DACH2: variants seen among roughly 807,000 people sequenced by gnomAD.
DACH2 encodes dachshund family transcription factor 2.
In DACH2, 17 loss-of-function variants were observed where a neutral mutation model predicts 35.8. That is an observed-to-expected ratio of 0.48 (90% CI 0.33 to 0.71). DACH2 has a LOEUF of 0.71. DACH2 is among the 30% of genes least tolerant of loss of function. The probability of loss-of-function intolerance (pLI) is 0.02; values close to 1 mark genes in which losing one functional copy is unlikely to be tolerated. For synonymous variants in DACH2, 195 were observed against 177.3 expected, an observed-to-expected ratio of 1.10 and a Z score of -0.79; for missense variants, 469 against 472.7, an observed-to-expected ratio of 0.99 and a Z score of 0.07.
intron 1 of DACH2, among the ~76,000 whole-genome samples, chrX:86,339,173 T>G (rs963106440): frequency 3.6e-5 from 4 of 111,105 alleles, no homozygotes; most frequent in African/African-American, 1.3e-4. Context: ...CTGAAACTAT[T>G]CCAAACAATA....
chrX:86,222,129 C>T (rs889460242), intron 1 of DACH2, among the ~76,000 whole-genome samples: 2 of 112,108 alleles, frequency 1.8e-5, no homozygotes, highest in Admixed American at 9.5e-5. Context: ...TTGGGAAACA[C>T]GATTTAGTCT....
intron 1 of DACH2, among the ~76,000 whole-genome samples, chrX:86,211,120 C>A (rs2032435574): frequency 9.0e-6 from 1 of 111,160 alleles, no homozygotes; most frequent in Non-Finnish European, 1.9e-5. Context: ...TGGGGCTTTT[C>A]TTTTCTGATG....
intron 6 of DACH2, among the ~76,000 whole-genome samples, chrX:86,717,339 C>T (rs1245295589): frequency 3.6e-5 from 4 of 111,148 alleles, no homozygotes; most frequent in Non-Finnish European, 7.6e-5. Flanking sequence ...ATTTGTCTTT[C>T]TGTGCCTGAC....
At chrX:86,423,535 A>G (rs1190115925) in intron 2 of DACH2, among the ~76,000 whole-genome samples, 2 of 104,646 alleles carry the variant, frequency 1.9e-5, no homozygotes, top group South Asian at 4.1e-4. Flanking sequence ...TTTTTTTTCT[A>G]TAGACTTGTT....
chrX:86,667,763 A>G (rs1163934705), intron 4 of DACH2, among the ~76,000 whole-genome samples: 5 of 112,213 alleles, frequency 4.5e-5, no homozygotes, highest in Non-Finnish European at 9.4e-5. Flanking sequence ...GACCAGAGCC[A>G]TCATATTTAA....
chrX:86,595,206 A>G (rs144609926), intron 3 of DACH2, among the ~76,000 whole-genome samples: 1,261 of 110,892 alleles, frequency 0.011, 23 homozygotes, highest in African/African-American at 0.039. Context: ...CAACCTCAAT[A>G]TTTTTTGGCT....
Position 86,465,535 on chromosome X carries a change from T to G in DACH2, c.528-48744T>G, listed in dbSNP as rs901692663. Among the ~76,000 whole-genome samples the G allele has an allele frequency of 2.7e-5, 3 of 111,996 alleles. No individual in the cohort carries two copies. In the Admixed American group the frequency reaches 2.8e-4, roughly 11 times the overall value. ...GAATTTTGACAATCTGGAAAAGATG[T>G]ACATATAATGTTGTGGAATATCAAG... is the stretch of plus-strand genomic sequence containing the variant. On this transcript the variant is annotated intron_variant, in intron 2 of 11. Transcript: ENST00000373125.
intron 7 of DACH2, among the ~76,000 whole-genome samples, chrX:86,764,870 A>G (rs186734398): frequency 8.9e-6 from 1 of 112,012 alleles, no homozygotes; most frequent in Admixed American, 9.5e-5. Context: ...TTTTCCTTTT[A>G]TCTACAGCCT....
intron 2 of DACH2, among the ~76,000 whole-genome samples, chrX:86,475,432 A>C (rs2037826867): frequency 9.0e-6 from 1 of 111,486 alleles, no homozygotes; most frequent in Non-Finnish European, 1.9e-5. Flanking sequence ...CCAGGTATTT[A>C]ATTTCATTTA....
At chrX:86,500,139 G>A (rs2038229512) in intron 2 of DACH2, among the ~76,000 whole-genome samples, 1 of 111,040 alleles carries the variant, frequency 9.0e-6, no homozygotes, top group Non-Finnish European at 1.9e-5. Flanking sequence ...ATACATATAC[G>A]TGCACTCATA....
chrX:86,385,943 C>T (rs191722278), intron 2 of DACH2, among the ~76,000 whole-genome samples: 1 of 111,599 alleles, frequency 9.0e-6, no homozygotes, highest in East Asian at 2.8e-4. Context: ...CTGAGAGTTC[C>T]CATTCACCCC....
At chrX:86,575,844 C>A (rs2039429466) in intron 3 of DACH2, among the ~76,000 whole-genome samples, 1 of 111,487 alleles carries the variant, frequency 9.0e-6, no homozygotes, top group South Asian at 3.7e-4. Context: ...CTCCCCTCAA[C>A]CAACACTTGT....
intron 1 of DACH2, among the ~76,000 whole-genome samples, chrX:86,334,446 C>A (rs1569353553): frequency 8.9e-6 from 1 of 111,900 alleles, no homozygotes; most frequent in African/African-American, 3.2e-5. Flanking sequence ...TTAATGATCA[C>A]CATTCTAACT....
At chrX:86,205,490 CTCCTTCCTTCCTTCCTTCCTTCCT>C (rs1199616660) in intron 1 of DACH2, among the ~76,000 whole-genome samples, 1 of 23,338 alleles carries the variant, frequency 4.3e-5, no homozygotes, top group African/African-American at 2.2e-4. Flanking sequence ...CCCTCCTTCC[CTCCTTCCTTCCTTCCTTCCTTCCT>C]TCCTTCCTTC....
intron 3 of DACH2, among the ~76,000 whole-genome samples, chrX:86,517,199 C>A (rs1301091551): frequency 1.8e-5 from 2 of 111,426 alleles, no homozygotes; most frequent in African/African-American, 3.3e-5. Context: ...CTTTTCTCTG[C>A]AAACTCGTCA....
At chrX:86,429,250 T>C (rs917961852) in intron 2 of DACH2, among the ~76,000 whole-genome samples, 1 of 111,809 alleles carries the variant, frequency 8.9e-6, no homozygotes, top group African/African-American at 3.2e-5. Flanking sequence ...CAAAGTTATA[T>C]AGAGTGAAGA....
chrX:86,454,065 G>C, intron 2 of DACH2, among the ~76,000 whole-genome samples: 1 of 111,404 alleles, frequency 9.0e-6, no homozygotes, highest in South Asian at 3.8e-4. Flanking sequence ...ATGAAATTCT[G>C]GGTTAGAAAT....
At chrX:86,724,365 C>T (rs953152959) in intron 6 of DACH2, among the ~76,000 whole-genome samples, 1 of 111,828 alleles carries the variant, frequency 8.9e-6, no homozygotes, top group Admixed American at 9.5e-5. Context: ...CTCTTTTGAA[C>T]ATTTAATGTA....
chrX:86,582,548 A>G (rs1224625475), intron 3 of DACH2, among the ~76,000 whole-genome samples: 1 of 110,853 alleles, frequency 9.0e-6, no homozygotes, highest in Non-Finnish European at 1.9e-5. Context: ...AAATGCATGC[A>G]CACACACAAA....
Sources: allele counts gnomAD v4.1 joint callset (sites outside exome capture counted in the v4.1 genomes callset), GRCh38; gene constraint gnomAD v4.1.1; transcripts MANE v1.5; gene names NCBI Gene and HGNC (gene_info 2026-07-23, HGNC 2026-07-21).